Variants in CHORDC1 observed in about 807,000 individuals in gnomAD.
CHORDC1 encodes the protein cysteine and histidine-rich domain-containing protein 1.
CHORDC1 carries 25 observed loss-of-function variants against 48.3 expected under a neutral mutation model. The ratio of observed to expected loss-of-function variants is 0.52; its 90% CI spans 0.38 to 0.72. The LOEUF (loss-of-function observed/expected upper bound fraction) is 0.72, where lower values mean the gene tolerates loss of function less well. Ranked by LOEUF, CHORDC1 falls within the 30% of genes least tolerant of loss-of-function variation. The pLI, the probability that CHORDC1 is intolerant of heterozygous loss-of-function variation, is 0.00. For missense variants in CHORDC1, 317 were observed against 388.7 expected (o/e 0.82, Z 1.55); for synonymous variants, 128 against 126.4 (o/e 1.01, Z -0.09).
At chr11:90,213,307 A>T (rs1404214335) in intron 4 of CHORDC1, 1 of 638,106 alleles carries the variant, frequency 1.6e-6, no homozygotes, top group African/African-American at 1.8e-5. Flanking sequence ...GCATGAATAA[A>T]AATTACAATA....
chr11:90,202,663 CTT>C (rs1857570920), intron 10 of CHORDC1, 112 bp from the exon 11 acceptor site: 1 of 1,399,646 alleles, frequency 7.1e-7, no homozygotes, highest in East Asian at 2.4e-5. Context: ...CTAAAGGCCT[CTT>C]TTATATCTAG....
rs193302183 is a variant in CHORDC1 at position 90,201,988 on chromosome 11, A to T, written c.*417T>A. 1 of 153,970 alleles carries T rather than the reference A, an allele frequency of 6.5e-6. No individual in the cohort carries two copies. The highest frequency in any genetic ancestry group is 2.4e-5 in the African/African-American group (1 of 41,506). 9.5% of individuals were successfully genotyped at this position (153,970 alleles called of 1,614,324 possible). A position where few individuals can be genotyped will look rare whatever the true frequency, so the allele number is the denominator to read the frequency against. On this transcript the variant is annotated 3_prime_UTR_variant, in exon 11 of 11. Coordinates refer to ENST00000320585, the MANE Select transcript of CHORDC1 (RefSeq NM_012124.3). ...TTCCTTAAATATTTTCAAGTACTGT[A>T]AGAACACAAATCCATGAAAAAACTG...
intron 10 of CHORDC1, 73 bp downstream of exon 10, chr11:90,202,740 G>A (rs3758756): frequency 0.45 from 672,524 of 1,488,768 alleles, 154,560 homozygotes; most frequent in East Asian, 0.6. Flanking sequence ...AATGTTTACT[G>A]AAGAATTGTC....
chr11:90,213,209 T>C (rs2135045997), intron 4 of CHORDC1: 1 of 474,710 alleles, frequency 2.1e-6, no homozygotes, highest in Non-Finnish European at 3.8e-6. Flanking sequence ...TCTCTTAGGG[T>C]TCTTATCTTG....
intron 6 of CHORDC1, chr11:90,209,042 C>T (rs1357185196): frequency 6.6e-6 from 1 of 152,152 alleles, no homozygotes; most frequent in Non-Finnish European, 1.5e-5. Context: ...CCCTGTCATT[C>T]ACTTTTCAAA....
At chr11:90,210,963 TA>T in intron 5 of CHORDC1, 1 of 306,792 alleles carries the variant, frequency 3.3e-6, no homozygotes, top group Non-Finnish European at 5.8e-6. Flanking sequence ...AGCTGATTCT[TA>T]AAAAAATAAT....
intron 8 of CHORDC1, 55 bp from the exon 9 acceptor site, chr11:90,203,482 T>C: frequency 2.0e-6 from 3 of 1,467,964 alleles, no homozygotes; most frequent in Non-Finnish European, 2.8e-6. Context: ...ATTAATTTCT[T>C]AAAAAGAGGA....
chr11:90,217,895 C>CA (rs71055891), intron 2 of CHORDC1: 2,127 of 177,014 alleles, frequency 0.012, 1 homozygote, highest in Middle Eastern at 0.014. Flanking sequence ...AACTCCATCT[C>CA]AAAAAAAAAA....
At chr11:90,217,895 C>CAAA (rs71055891) in intron 2 of CHORDC1, 5,450 of 176,900 alleles carry the variant, frequency 0.031, 106 homozygotes, top group Non-Finnish European at 0.041. Flanking sequence ...AACTCCATCT[C>CAAA]AAAAAAAAAA....
intron 8 of CHORDC1, 63 bp downstream of exon 8, chr11:90,205,397 A>T: frequency 9.7e-7 from 1 of 1,032,660 alleles, no homozygotes; most frequent in Non-Finnish European, 1.5e-6. Flanking sequence ...ATAATTTCAA[A>T]TCTTTAAAAA....
chr11:90,221,704 T>C (rs1246583501), intron 1 of CHORDC1, among the ~76,000 whole-genome samples: 5 of 152,226 alleles, frequency 3.3e-5, no homozygotes, highest in African/African-American at 9.6e-5. Flanking sequence ...AGCATCATAT[T>C]TGCATCATAA....
chr11:90,210,685 A>G, intron 5 of CHORDC1, 91 bp from the exon 6 acceptor site: 1 of 788,066 alleles, frequency 1.3e-6, no homozygotes, highest in Non-Finnish European at 2.1e-6. Flanking sequence ...CCAGAAAACA[A>G]TACTTTTTAG....
chr11:90,205,963 G>A, intron 7 of CHORDC1: 1 of 513,616 alleles, frequency 1.9e-6, no homozygotes, highest in East Asian at 3.6e-5. Context: ...AGAATATGAA[G>A]AAAAACAGGC....
At chr11:90,214,311 A>G in intron 3 of CHORDC1, 136 bp from the exon 4 acceptor site, 3 of 735,696 alleles carry the variant, frequency 4.1e-6, no homozygotes, top group Non-Finnish European at 5.9e-6. Context: ...TTAAGAAATT[A>G]AAAACAGAAC....
intron 2 of CHORDC1, among the ~76,000 whole-genome samples, chr11:90,215,451 C>A (rs1857983978): frequency 2.0e-5 from 3 of 151,884 alleles, no homozygotes; most frequent in Non-Finnish European, 4.4e-5. Flanking sequence ...TTGTGCTATG[C>A]CCTATCATCA....
At position 90,223,033 on chromosome 11, in the gene CHORDC1, G is replaced by C; in HGVS notation, c.-79C>G. The stretch of plus-strand genomic sequence containing the variant: ...TGCGTTTGCCACTCCCGTGTCGCTA[G>C]CACCGGTCTGACGACTGAGGCGGCT... On this transcript the variant is annotated 5_prime_UTR_variant, in exon 1 of 11. Transcript: ENST00000320585. The C allele has an allele frequency of 1.6e-6, 2 of 1,275,772 alleles. No homozygotes were observed. Among genetic ancestry groups the C allele is most frequent in the South Asian group, 1.2e-5 (1 of 81,384 alleles). The allele number at this position is 1,275,772 out of a possible 1,614,324, so 79.0% of individuals were successfully genotyped here. A position where few individuals can be genotyped will look rare whatever the true frequency, so the allele number is the denominator to read the frequency against.
chr11:90,221,109 T>C (rs1263306506), intron 1 of CHORDC1, among the ~76,000 whole-genome samples: 1 of 151,612 alleles, frequency 6.6e-6, no homozygotes, highest in Non-Finnish European at 1.5e-5. Context: ...AAGCATTTAG[T>C]GTAGATTAAG....
intron 8 of CHORDC1, 97 bp downstream of exon 8, chr11:90,205,363 T>G (rs1278907572): frequency 7.0e-6 from 6 of 851,076 alleles, no homozygotes; most frequent in Non-Finnish European, 1.1e-5. Flanking sequence ...AAAAGAAAAC[T>G]TTTTTTTAAA....
At chr11:90,205,004 GA>G (rs1191846757) in intron 8 of CHORDC1, among the ~76,000 whole-genome samples, 6 of 151,874 alleles carry the variant, frequency 4.0e-5, no homozygotes, top group Non-Finnish European at 7.4e-5. Context: ...CAATTCCACT[GA>G]AACAAGACTG....
Sources: allele counts gnomAD v4.1 joint callset (sites outside exome capture counted in the v4.1 genomes callset), GRCh38; gene constraint gnomAD v4.1.1; transcripts MANE v1.5; gene names NCBI Gene and HGNC (gene_info 2026-07-23, HGNC 2026-07-21).